Variants in VIPR2 observed in about 807,000 individuals in gnomAD.
VIPR2 encodes the protein vasoactive intestinal peptide receptor 2.
In VIPR2, 48 loss-of-function variants were observed where a neutral mutation model predicts 58.0. That is an observed-to-expected ratio of 0.83 (90% confidence interval 0.66 to 1.05). The LOEUF (loss-of-function observed/expected upper bound fraction) is 1.05. Among genes scored for constraint, VIPR2 ranks in the 50% least tolerant of loss-of-function variants. The pLI is 0.00. For synonymous variants in VIPR2, 243 were observed against 235.2 expected, an observed-to-expected ratio of 1.03 and a Z score of -0.30; for missense variants, 534 against 558.0, an observed-to-expected ratio of 0.96 and a Z score of 0.43.
intron 2 of VIPR2, among the ~76,000 whole-genome samples, chr7:159,134,802 C>CAT (rs1563357027): frequency 2.6e-5 from 4 of 151,638 alleles, no homozygotes; most frequent in Non-Finnish European, 5.9e-5. Flanking sequence ...GGACTAGAGG[C>CAT]GCCCGCCACC....
chr7:159,040,551 C>T (rs1030051642), intron 6 of VIPR2, among the ~76,000 whole-genome samples: 6 of 152,168 alleles, frequency 3.9e-5, no homozygotes, highest in Admixed American at 6.5e-5. Context: ...CTGTCTAGGC[C>T]GCATGGAAGG....
chr7:159,040,534 T>C (rs1255376914), intron 6 of VIPR2, among the ~76,000 whole-genome samples: 2 of 152,206 alleles, frequency 1.3e-5, no homozygotes, highest in Non-Finnish European at 2.9e-5. Context: ...CAGAGGAAAC[T>C]GTGTCTCTGT....
At chr7:159,074,486 T>C (rs78955022) in intron 4 of VIPR2, among the ~76,000 whole-genome samples, 2,960 of 152,216 alleles carry the variant, frequency 0.019, 36 homozygotes, top group Admixed American at 0.031. Context: ...GTCCCTCCAC[T>C]GTGTGGGAGC....
At chr7:159,073,936 C>T (rs935706651) in intron 4 of VIPR2, among the ~76,000 whole-genome samples, 1 of 152,114 alleles carries the variant, frequency 6.6e-6, no homozygotes, top group African/African-American at 2.4e-5. Context: ...ACTGTGCACA[C>T]AATTCTGGGG....
At chr7:159,036,988 G>A (rs1854008007) in intron 6 of VIPR2, 86 bp from the exon 7 acceptor site, 1 of 1,482,710 alleles carries the variant, frequency 6.7e-7, no homozygotes, top group Non-Finnish European at 9.1e-7. Flanking sequence ...CAGGACACAG[G>A]GCGCTTGGTA....
chr7:159,144,838 C>T lies in VIPR2; in HGVS notation c.-67G>A. On this transcript the variant is annotated 5_prime_UTR_variant, in exon 1 of 13. Transcript: ENST00000262178. ...TCCGTCCTAGGTCCCCGCGGTTCCG[C>T]CGCCTCCAGCATGGGCCGGGAGCGA... 2 of 1,218,402 alleles carry T rather than the reference C, an allele frequency of 1.6e-6. No individual in the cohort carries two copies. Among genetic ancestry groups the T allele is most frequent in the Non-Finnish European group, 2.0e-6 (2 of 976,662 alleles). The allele number at this position is 1,218,402 out of a possible 1,614,324, so 75.5% of individuals were successfully genotyped here.
chr7:159,039,484 A>C lies in VIPR2; in HGVS notation c.598-2582T>G, dbSNP rs575594427. Among the ~76,000 whole-genome samples, 159 of 152,278 alleles carry C rather than the reference A, an allele frequency of 1.0e-3. 6 individuals are homozygous for C. In the South Asian group the frequency reaches 0.031, roughly 30 times the overall value. ...CAGAGTGAGTCTGTGTCAAAAAACA[A>C]AACAAAACAAAACAAAAAATAAAAA... On this transcript the variant is annotated intron_variant, in intron 6 of 12. Transcript: ENST00000262178.
chr7:159,030,449 C>G lies in VIPR2; in HGVS notation c.*167G>C, dbSNP rs187139520. On this transcript the variant is annotated 3_prime_UTR_variant, in exon 13 of 13. Transcript: ENST00000262178. ...AAATCGAGTCAATGACAACACGACT[C>G]CAATTCCAGGTATGGGGTTTAGTGG... is the stretch of plus-strand genomic sequence containing the variant. 36 of 724,022 alleles carry G rather than the reference C, an allele frequency of 5.0e-5. No homozygotes were observed. Among genetic ancestry groups the G allele is most frequent in the Non-Finnish European group, 3.7e-5 (18 of 482,740 alleles). The allele number at this position is 724,022 out of a possible 1,614,324, so 44.8% of individuals were successfully genotyped here.
intron 8 of VIPR2, chr7:159,035,680 G>A: frequency 4.1e-6 from 4 of 985,250 alleles, no homozygotes; most frequent in Non-Finnish European, 4.8e-6. Flanking sequence ...GCCCACCGCA[G>A]GGGCTGCCCC....
chr7:159,133,279 C>T (rs1243569454), intron 2 of VIPR2, among the ~76,000 whole-genome samples: 1 of 152,312 alleles, frequency 6.6e-6, no homozygotes, highest in Non-Finnish European at 1.5e-5. Flanking sequence ...TGTCTCCTGG[C>T]CACCCCCTAA....
intron 4 of VIPR2, among the ~76,000 whole-genome samples, chr7:159,073,803 A>G (rs951456205): frequency 6.6e-6 from 1 of 152,074 alleles, no homozygotes; most frequent in Non-Finnish European, 1.5e-5. Flanking sequence ...GGAGTGGGGG[A>G]GCCCCAGGGC....
At chr7:159,133,740 C>T (rs576725809) in intron 2 of VIPR2, among the ~76,000 whole-genome samples, 32 of 152,202 alleles carry the variant, frequency 2.1e-4, no homozygotes, top group Non-Finnish European at 3.8e-4. Context: ...AACATATAAA[C>T]GAGATCTATT....
At position 159,096,764 on chromosome 7, in the gene VIPR2, T is replaced by A. The variant is rs545118707; in HGVS notation, c.357+6993A>T. 1.6e-5 allele frequency: 23 copies of A among 1,405,336 alleles called. No homozygotes were observed. In the South Asian group the frequency reaches 3.6e-4, roughly 22 times the overall value. 87.1% of individuals were successfully genotyped at this position (1,405,336 alleles called of 1,614,324 possible). ...GAATGATTTCTGCCTGTGGCCAGAT[T>A]TCTGCCCCTGCCTGAGGTCAGTCTC... On this transcript the variant is annotated intron_variant, in intron 4 of 12. Coordinates refer to ENST00000262178, the MANE Select transcript of VIPR2 (RefSeq NM_003382.5). The surrounding 1 kb of genome is among the most constrained non-coding windows in gnomAD (Gnocchi z 5.5).
chr7:159,134,017 T>C (rs920147440), intron 2 of VIPR2, among the ~76,000 whole-genome samples: 42 of 152,246 alleles, frequency 2.8e-4, no homozygotes, highest in Non-Finnish European at 5.4e-4. Context: ...GTTTCCAAAA[T>C]ATTTTTGAAA....
At position 159,099,609 on chromosome 7, in the gene VIPR2, G is replaced by A. The variant is rs1391006125; in HGVS notation, c.357+4148C>T. Among the ~76,000 whole-genome samples the A allele has an allele frequency of 2.0e-5, 3 of 152,124 alleles. No homozygotes were observed. The highest frequency in any genetic ancestry group is 1.3e-4 in the Admixed American group (2 of 15,284). On this transcript the variant is annotated intron_variant, in intron 4 of 12. Coordinates refer to ENST00000262178, the MANE Select transcript of VIPR2 (RefSeq NM_003382.5). This position sits in a 1 kb window ranked among gnomAD's most constrained non-coding sequence, Gnocchi z 4.2. ...AATGAACGACGGAGCCTGCACATAC[G>A]GGGCTCTGGGTGACGCTGCTGGGGG...
At chr7:159,037,161 T>A (rs1854019738) in intron 6 of VIPR2, among the ~76,000 whole-genome samples, 2 of 152,128 alleles carry the variant, frequency 1.3e-5, no homozygotes, top group South Asian at 4.1e-4. Flanking sequence ...CTGCCTGAGG[T>A]GAGCGCACTC....
At chr7:159,072,000 G>T (rs893747049) in intron 4 of VIPR2, among the ~76,000 whole-genome samples, 1 of 145,276 alleles carries the variant, frequency 6.9e-6, no homozygotes, top group African/African-American at 2.6e-5. Flanking sequence ...ATGAAGGCAC[G>T]ATGGTACCGG....
intron 4 of VIPR2, among the ~76,000 whole-genome samples, chr7:159,101,282 G>A (rs1421069989): frequency 3.4e-5 from 5 of 146,684 alleles, no homozygotes; most frequent in South Asian, 2.2e-4. Context: ...CGGTTCCCCC[G>A]ACTGTTCCTG....
At chr7:159,049,232 A>C (rs1854835449) in intron 5 of VIPR2, among the ~76,000 whole-genome samples, 1 of 152,252 alleles carries the variant, frequency 6.6e-6, no homozygotes, top group Admixed American at 6.5e-5. Context: ...TAGAACACTT[A>C]AATTCTGCTT....
Sources: gnomAD v4.1 joint callset for allele counts (sites outside exome capture counted in the v4.1 genomes callset) on GRCh38, gnomAD v4.1.1 for gene constraint, Gnocchi (gnomAD v3.1) non-coding constraint, MANE v1.5 for transcripts, NCBI Gene and HGNC (gene_info 2026-07-23, HGNC 2026-07-21) for gene names.